USP43: variants seen among roughly 807,000 people sequenced by gnomAD.
USP43 encodes the protein ubiquitin carboxyl-terminal hydrolase 43.
A neutral mutation model predicts 90.7 loss-of-function variants in USP43; 33 were observed. The observed-to-expected ratio is 0.36, with a 90% CI of 0.28 to 0.49. The LOEUF (loss-of-function observed/expected upper bound fraction) is 0.49, where lower values mean the gene tolerates loss of function less well. USP43 is among the 20% of genes least tolerant of loss of function. The probability of loss-of-function intolerance (pLI) is 0.98; values close to 1 mark genes in which losing one functional copy is unlikely to be tolerated. For missense variants in USP43, 1,274 were observed against 1,476.4 expected, an observed-to-expected ratio of 0.86 and a Z score of 2.25; for synonymous variants, 598 against 615.8, an observed-to-expected ratio of 0.97 and a Z score of 0.43.
At chr17:9,672,842 T>G (rs894190828) in intron 3 of USP43, among the ~76,000 whole-genome samples, 1 of 152,236 alleles carries the variant, frequency 6.6e-6, no homozygotes, top group African/African-American at 2.4e-5. Context: ...CTGACTTAAA[T>G]GGGCAGATCA....
rs561684844 is a variant in USP43 at position 9,705,718 on chromosome 17, C to A, written c.2011+4018C>A. 4.6e-5 allele frequency among the ~76,000 whole-genome samples: 7 copies of A among 151,112 alleles called. No individual in the cohort carries two copies. The South Asian group carries it at 1.5e-3, about 32-fold the overall frequency. The stretch of plus-strand genomic sequence containing the variant: ...GCAGTGAGCCGAGATCACACCACTG[C>A]ACTCCAGCCTGGGTGAGAGAGTGAG... On this transcript the variant is annotated intron_variant, in intron 12 of 14. Transcript: ENST00000285199.
intron 14 of USP43, among the ~76,000 whole-genome samples, chr17:9,724,341 T>C (rs68159401): frequency 0.18 from 27,938 of 152,024 alleles, 4,509 homozygotes; most frequent in African/African-American, 0.43. Context: ...GACCTCCACG[T>C]GGAAATGGTC....
chr17:9,695,997 C>T (rs113397382), intron 9 of USP43, among the ~76,000 whole-genome samples: 31 of 152,202 alleles, frequency 2.0e-4, no homozygotes, highest in African/African-American at 7.0e-4. Context: ...ATGTATACAC[C>T]ACCTAGAAAT....
At chr17:9,696,104 CTG>C (rs1424708501) in intron 9 of USP43, among the ~76,000 whole-genome samples, 1 of 151,780 alleles carries the variant, frequency 6.6e-6, no homozygotes. Context: ...CCCTGGCCCT[CTG>C]GGTTCCATTT....
chr17:9,675,768 C>T (rs1913732141), intron 4 of USP43, among the ~76,000 whole-genome samples: 1 of 152,182 alleles, frequency 6.6e-6, no homozygotes, highest in Non-Finnish European at 1.5e-5. Flanking sequence ...TGATCTTCTG[C>T]ACTACAAATA....
intron 6 of USP43, among the ~76,000 whole-genome samples, chr17:9,680,668 C>T (rs1250834321): frequency 3.0e-4 from 46 of 152,162 alleles, no homozygotes; most frequent in Admixed American, 3.0e-3. Context: ...TAAGAGTTTG[C>T]ACATCTAACC....
chr17:9,689,708 C>T (rs973687539), intron 8 of USP43, among the ~76,000 whole-genome samples: 1 of 152,174 alleles, frequency 6.6e-6, no homozygotes, highest in African/African-American at 2.4e-5. Context: ...GCCACCATGC[C>T]TGGCTACCCA....
rs1196688600 is a variant in USP43 at position 9,712,132 on chromosome 17, G to T, written c.2335G>T (p.Gly779Ter). 2 of 1,573,126 alleles carry T rather than the reference G, an allele frequency of 1.3e-6. No homozygotes were observed. Among genetic ancestry groups the T allele is most frequent in the Admixed American group, 1.8e-5 (1 of 54,246 alleles). The change falls in exon 14 of 15, where the codon GGA becomes TGA. Residue 779 changes from glycine to a stop codon, truncating the protein, a stop_gained and splice_region_variant. Transcript: ENST00000285199. LOFTEE classifies it low-confidence loss of function (END_TRUNC). ...CAACAGCCTCTGCAATCAGGAAAAG[G>T]GTATGTTGGTTAAATGTGCTTGGTT... ...FTNSLCNQEK[G>*]GLEPRRLVRG...
chr17:9,704,470 C>T (rs1426147159), intron 12 of USP43, among the ~76,000 whole-genome samples: 1 of 151,844 alleles, frequency 6.6e-6, no homozygotes, highest in Non-Finnish European at 1.5e-5. Flanking sequence ...TGCTCGCCAC[C>T]ACGCCTGGCT....
intron 2 of USP43, among the ~76,000 whole-genome samples, chr17:9,657,672 A>C (rs948319194): frequency 2.0e-5 from 3 of 151,964 alleles, no homozygotes; most frequent in African/African-American, 7.3e-5. Context: ...AAAGAGAGAG[A>C]GTGAGGGGGA....
chr17:9,666,361 T>G (rs1025924671), intron 2 of USP43, among the ~76,000 whole-genome samples: 1 of 152,136 alleles, frequency 6.6e-6, no homozygotes, highest in African/African-American at 2.4e-5. Context: ...GGGCCGTCCA[T>G]CCAGGGGGAA....
rs773747058 is a variant in USP43, at chr17:9,666,784, C to T, written c.740+33C>T. ...GGGGATGTGTTTAGAATGTATCACC[C>T]GAGGGCTCCGCAGACTCAATTCCTG... On this transcript the variant is annotated intron_variant, in intron 3 of 14. Transcript: ENST00000285199. 38 of 1,537,956 alleles carry T rather than the reference C, an allele frequency of 2.5e-5. No homozygotes were observed. In the Admixed American group the frequency reaches 5.6e-4, roughly 22 times the overall value.
intron 14 of USP43, among the ~76,000 whole-genome samples, chr17:9,719,666 A>C (rs1420176637): frequency 1.3e-5 from 2 of 152,054 alleles, no homozygotes; most frequent in East Asian, 3.9e-4. Context: ...TTTCACATGG[A>C]GAGAGACTGC....
At chr17:9,680,985 C>CAT (rs1156651758) in intron 6 of USP43, among the ~76,000 whole-genome samples, 5 of 139,134 alleles carry the variant, frequency 3.6e-5, no homozygotes, top group Non-Finnish European at 6.1e-5. Context: ...GAAGAAGACC[C>CAT]ATATATATAT....
At chr17:9,657,957 G>A (rs748156507) in intron 2 of USP43, among the ~76,000 whole-genome samples, 2 of 152,176 alleles carry the variant, frequency 1.3e-5, no homozygotes, top group African/African-American at 2.4e-5. Flanking sequence ...ATCAATGAGT[G>A]AGCAAAGTTA....
At chr17:9,660,334 A>C (rs186330621) in intron 2 of USP43, among the ~76,000 whole-genome samples, 1 of 152,118 alleles carries the variant, frequency 6.6e-6, no homozygotes, top group African/African-American at 2.4e-5. Flanking sequence ...TATTTTTAGT[A>C]GAGACAGGGT....
chr17:9,666,685 T>G lies in USP43; in HGVS notation c.674T>G (p.Leu225Arg), dbSNP rs1913055981. The change falls in exon 3 of 15, where the codon CTG (leucine) becomes CGG (arginine). Residue 225 changes from leucine to arginine, a missense_variant. Around this residue, in one of 6 missense-constraint regions of USP43, gnomAD observed 259 missense variants for 373.7 expected, o/e 0.69. Coordinates refer to ENST00000285199, the MANE Select transcript of USP43 (RefSeq NM_153210.5). ...GCCACTAAAACCTCTGAGAACTGCC[T>G]GTCACCATCAGCTCAGCTTCCTCTA... The part of the protein sequence containing the change: ...PEATKTSENC[L>R]SPSAQLPLGQ... 6.2e-7 allele frequency: 1 copy of G among 1,613,394 alleles called. No homozygotes were observed. The highest frequency in any genetic ancestry group is 8.5e-7 in the Non-Finnish European group (1 of 1,179,758).
intron 3 of USP43, among the ~76,000 whole-genome samples, chr17:9,667,546 C>T (rs148005702): frequency 1.3e-4 from 20 of 152,276 alleles, no homozygotes; most frequent in African/African-American, 2.9e-4. Flanking sequence ...TCAGTGAAAG[C>T]GCTGACAGCA....
In USP43 at chr17:9,728,314, A is replaced by G. The variant is rs758276259; in HGVS notation, c.2696A>G (p.His899Arg). The G allele has an allele frequency of 6.2e-7, 1 of 1,612,618 alleles. No homozygotes were observed. The highest frequency in any genetic ancestry group is 8.5e-7 in the Non-Finnish European group (1 of 1,179,362). The change falls in exon 15 of 15, where the codon CAC becomes CGC. Residue 899 changes from histidine (H) to arginine (R), a missense_variant. By Grantham distance (29) the His-to-Arg change is conservative. Transcript: ENST00000285199. This position sits in a 1 kb window ranked among gnomAD's most constrained non-coding sequence, Gnocchi z 6.2. ...CCCTGTCCCTCGGCTCAACCCAACC[A>G]CTGTCTGGCCCCTGGAAACTCAGAT... ...GVPCPSAQPN[H>R]CLAPGNSDGP...
Sources: allele counts gnomAD v4.1 joint callset (sites outside exome capture counted in the v4.1 genomes callset), GRCh38; gene constraint gnomAD v4.1.1; regional missense constraint gnomAD v4.1.1; non-coding constraint Gnocchi (gnomAD v3.1); transcripts MANE v1.5; gene names NCBI Gene and HGNC (gene_info 2026-07-23, HGNC 2026-07-21).